COL26A1: variants seen among roughly 807,000 people sequenced by gnomAD.
COL26A1 encodes the protein collagen type XXVI alpha 1 chain, also known as collagen alpha-1(XXVI) chain.
Under a neutral mutation model 59.3 loss-of-function variants are expected in COL26A1, and 41 were observed. That is an observed-to-expected ratio of 0.69 (90% CI 0.54 to 0.90). The LOEUF is 0.90. Among genes scored for constraint, COL26A1 ranks in the 40% least tolerant of loss-of-function variants. COL26A1 has a pLI of 0.00. For missense variants in COL26A1, 612 were observed against 602.3 expected (o/e 1.02, Z -0.17); for synonymous variants, 266 against 256.0 (o/e 1.04, Z -0.37).
chr7:101,444,883 A>T (rs985069098), intron 2 of COL26A1, among the ~76,000 whole-genome samples: 2 of 151,182 alleles, frequency 1.3e-5, no homozygotes, highest in African/African-American at 4.9e-5. Context: ...TCACTCTTTC[A>T]CACAGGCTGG....
intron 3 of COL26A1, among the ~76,000 whole-genome samples, chr7:101,468,228 G>A (rs185211777): frequency 1.7e-4 from 26 of 151,776 alleles, no homozygotes; most frequent in African/African-American, 5.8e-4. Flanking sequence ...GCTTGAACCC[G>A]GGAGGTGGAG....
At chr7:101,514,125 C>G (rs1794981291) in intron 3 of COL26A1, among the ~76,000 whole-genome samples, 2 of 152,052 alleles carry the variant, frequency 1.3e-5, no homozygotes, top group African/African-American at 2.4e-5. Flanking sequence ...CATTTGAGGT[C>G]AGGAGTTCAA....
At chr7:101,365,520 A>G (rs34825981) in intron 1 of COL26A1, among the ~76,000 whole-genome samples, 87,676 of 151,456 alleles carry the variant, frequency 0.58, 26,909 homozygotes, top group African/African-American at 0.8. Context: ...TCTGCCTCCC[A>G]AGTTCAAGTG....
intron 2 of COL26A1, among the ~76,000 whole-genome samples, chr7:101,424,969 C>G (rs777573095): frequency 5.3e-5 from 8 of 152,092 alleles, no homozygotes; most frequent in African/African-American, 1.9e-4. Flanking sequence ...GTCCCCCAGG[C>G]TGGAGTGTAG....
intron 1 of COL26A1, among the ~76,000 whole-genome samples, chr7:101,394,549 G>GGTGTGTACCT (rs1408249743): frequency 2.6e-5 from 4 of 151,588 alleles, no homozygotes; most frequent in Non-Finnish European, 5.9e-5. Flanking sequence ...TGGGACCACA[G>GGTGTGTACCT]GTGTGTACCA....
intron 2 of COL26A1, among the ~76,000 whole-genome samples, chr7:101,445,731 C>CAAAAAAA (rs138245779): frequency 2.6e-5 from 1 of 38,450 alleles, no homozygotes; most frequent in Non-Finnish European, 4.3e-5. Context: ...GACTCCGTCT[C>CAAAAAAA]AAAAAAAAAA....
chr7:101,511,462 G>C (rs1794924695), intron 3 of COL26A1, among the ~76,000 whole-genome samples: 1 of 152,236 alleles, frequency 6.6e-6, no homozygotes, highest in Admixed American at 6.5e-5. Context: ...TCCAGGGGCT[G>C]AGCCCTTGTG....
chr7:101,409,730 T>C (rs534655754), intron 1 of COL26A1, among the ~76,000 whole-genome samples: 30 of 152,342 alleles, frequency 2.0e-4, no homozygotes, highest in African/African-American at 7.0e-4. Context: ...CAGGAGATAG[T>C]TCTCAAATCC....
At chr7:101,444,640 C>T (rs1793142222) in intron 2 of COL26A1, among the ~76,000 whole-genome samples, 1 of 151,300 alleles carries the variant, frequency 6.6e-6, no homozygotes, top group African/African-American at 2.4e-5. Flanking sequence ...GTCTTGAACT[C>T]CCGACCTCAG....
chr7:101,432,716 T>G (rs767864306), intron 2 of COL26A1, among the ~76,000 whole-genome samples: 7 of 152,118 alleles, frequency 4.6e-5, no homozygotes, highest in Admixed American at 2.0e-4. Context: ...TTGTTTGTTT[T>G]TTTGAGATGG....
At chr7:101,370,736 G>T (rs939401635) in intron 1 of COL26A1, among the ~76,000 whole-genome samples, 13 of 152,020 alleles carry the variant, frequency 8.6e-5, no homozygotes, top group Admixed American at 1.3e-4. Context: ...CTTTCTTGTG[G>T]TTTCGTCTAA....
intron 3 of COL26A1, among the ~76,000 whole-genome samples, chr7:101,492,356 G>A (rs552653529): frequency 3.9e-4 from 60 of 152,180 alleles, no homozygotes; most frequent in Non-Finnish European, 7.1e-4. Flanking sequence ...ATCAACTACT[G>A]TCAAAATTAT....
rs1790942850 is a variant in COL26A1, at chr7:101,363,205, G to A, written c.158+15G>A. The A allele has an allele frequency of 1.4e-6, 2 of 1,393,674 alleles. No individual in the cohort carries two copies. Among genetic ancestry groups the A allele is most frequent in the Non-Finnish European group, 1.9e-6 (2 of 1,061,286 alleles). The allele number at this position is 1,393,674 out of a possible 1,614,324, so 86.3% of individuals were successfully genotyped here. Reference sequence around the variant, plus strand: ...GCGAGCCGCCGGTGAGTAGCTCGGGGCCGAGGGGCCGGGGGGTGGGGGGAG... The same window carrying A: ...GCGAGCCGCCGGTGAGTAGCTCGGGACCGAGGGGCCGGGGGGTGGGGGGAG... On this transcript the variant is annotated intron_variant, in intron 1 of 12. Coordinates refer to ENST00000313669, the MANE Select transcript of COL26A1 (RefSeq NM_001278563.3).
chr7:101,404,735 A>G (rs906100746), intron 1 of COL26A1, among the ~76,000 whole-genome samples: 2 of 152,130 alleles, frequency 1.3e-5, no homozygotes, highest in African/African-American at 4.8e-5. Context: ...CTGTCTCTAC[A>G]AAAACAAAGT....
intron 2 of COL26A1, among the ~76,000 whole-genome samples, chr7:101,442,066 G>A (rs1363505278): frequency 1.3e-5 from 2 of 152,170 alleles, no homozygotes; most frequent in East Asian, 3.9e-4. Context: ...GAGGTTAAGG[G>A]AGGGACCTGA....
chr7:101,478,018 T>C (rs1456687261), intron 3 of COL26A1, among the ~76,000 whole-genome samples: 4 of 152,228 alleles, frequency 2.6e-5, no homozygotes, highest in Non-Finnish European at 5.9e-5. Context: ...AGTCTCGCTC[T>C]GTTGCCCAGG....
intron 3 of COL26A1, among the ~76,000 whole-genome samples, chr7:101,500,247 G>A (rs1794673932): frequency 6.6e-6 from 1 of 152,134 alleles, no homozygotes; most frequent in African/African-American, 2.4e-5. Flanking sequence ...CCGGGAGGGG[G>A]GGCAAGTTGA....
rs56666965 is a variant in COL26A1 at position 101,476,142 on chromosome 7, TTGTGTG to T, written c.385+28386_385+28391del. On this transcript the variant is annotated intron_variant, in intron 3 of 12. Coordinates refer to ENST00000313669, the MANE Select transcript of COL26A1 (RefSeq NM_001278563.3). ...GGTGCATGCCACCACTCCCAGCTAATTGTGTGTGTGTGTGTGTGTGTGTGTGTGTGT... is the reference window on the plus strand; with the variant it reads ...GGTGCATGCCACCACTCCCAGCTAATTGTGTGTGTGTGTGTGTGTGTGTGT... Among the ~76,000 whole-genome samples, 110 of 146,338 alleles carry T rather than the reference TTGTGTG, an allele frequency of 7.5e-4. 1 individual carries two copies. The highest frequency in any genetic ancestry group is 1.2e-3 in the African/African-American group (49 of 39,682).
At chr7:101,485,805 C>G (rs528150680) in intron 3 of COL26A1, among the ~76,000 whole-genome samples, 67 of 152,256 alleles carry the variant, frequency 4.4e-4, no homozygotes, top group African/African-American at 1.6e-3. Context: ...CGAGGCCCAG[C>G]CGCGGCAGCC....
Sources: allele counts gnomAD v4.1 joint callset (sites outside exome capture counted in the v4.1 genomes callset), GRCh38; gene constraint gnomAD v4.1.1; transcripts MANE v1.5; gene names NCBI Gene and HGNC (gene_info 2026-07-23, HGNC 2026-07-21).